The following SORCS1 variants were observed in gnomAD, a reference collection of about 807,000 sequenced individuals.
The protein encoded by SORCS1 is VPS10 domain-containing receptor SorCS1.
Under a neutral mutation model 146.1 loss-of-function variants are expected in SORCS1, and 60 were observed. That is an observed-to-expected ratio of 0.41 (90% CI 0.33 to 0.51). SORCS1 has a LOEUF of 0.51. Ranked by LOEUF, SORCS1 falls within the 20% of genes least tolerant of loss-of-function variation. The probability of loss-of-function intolerance (pLI) is 0.21; values close to 1 mark genes in which losing one functional copy is unlikely to be tolerated. For synonymous variants in SORCS1, 637 were observed against 584.0 expected (o/e 1.09, Z -1.31); for missense variants, 1,352 against 1,487.6 (o/e 0.91, Z 1.50).
At chr10:106,826,834 A>AG (rs1414812688) in intron 3 of SORCS1, among the ~76,000 whole-genome samples, 2 of 152,200 alleles carry the variant, frequency 1.3e-5, no homozygotes, top group African/African-American at 4.8e-5. Context: ...TCTGCTCTGA[A>AG]GGGTAACAGT....
rs771485532 is a variant in SORCS1, at chr10:106,761,612, C to T, written c.935G>A (p.Gly312Glu). The T allele has an allele frequency of 6.2e-6, 10 of 1,614,000 alleles. No homozygotes were observed. In the East Asian group the frequency reaches 8.9e-5, roughly 14 times the overall value. ...FGRRWQLIQE[G>E]VVPNRFYWSV... ...CCAGTAGAACCTGTTTGGTACAACC[C>T]CTTCTTGGATAAGCTGCCATCTTCT... is the stretch of plus-strand genomic sequence containing the variant. The change falls in exon 5 of 26, where the codon GGG (glycine) becomes GAG (glutamate). Residue 312 changes from glycine to glutamate, a missense_variant. By Grantham distance (98) the Gly-to-Glu change is moderately conservative. This residue lies in a region of SORCS1 where 490 missense variants were observed against 489.1 expected (regional missense o/e 1.00). Transcript: ENST00000263054.
intron 1 of SORCS1, among the ~76,000 whole-genome samples, chr10:107,010,336 G>A (rs1357837889): frequency 2.0e-5 from 3 of 152,212 alleles, no homozygotes; most frequent in Non-Finnish European, 2.9e-5. Flanking sequence ...TCAAACAGTC[G>A]CTCTGCAGGA....
chr10:107,116,077 T>C (rs1966019570), intron 1 of SORCS1, among the ~76,000 whole-genome samples: 1 of 152,086 alleles, frequency 6.6e-6, no homozygotes, highest in Non-Finnish European at 1.5e-5. Context: ...TACCACTTCA[T>C]ACATAGTAGG....
intron 1 of SORCS1, among the ~76,000 whole-genome samples, chr10:107,118,960 C>A (rs907268699): frequency 6.6e-5 from 10 of 152,134 alleles, no homozygotes; most frequent in African/African-American, 2.4e-4. Context: ...CTCTTTAACA[C>A]TTGGGTCCCT....
intron 18 of SORCS1, among the ~76,000 whole-genome samples, chr10:106,644,518 C>G (rs569328868): frequency 6.6e-6 from 1 of 152,176 alleles, no homozygotes; most frequent in South Asian, 2.1e-4. Flanking sequence ...AGGTGCCCAC[C>G]ACCACGCCCA....
intron 1 of SORCS1, among the ~76,000 whole-genome samples, chr10:107,045,403 A>G (rs1226976125): frequency 1.3e-5 from 2 of 152,220 alleles, no homozygotes; most frequent in African/African-American, 4.8e-5. Flanking sequence ...GAAAAGGTCA[A>G]TAAAATGAAT....
intron 2 of SORCS1, among the ~76,000 whole-genome samples, chr10:106,948,789 C>A (rs1954507523): frequency 6.6e-6 from 1 of 151,964 alleles, no homozygotes; most frequent in Non-Finnish European, 1.5e-5. Flanking sequence ...GAAACCGCGT[C>A]TCTACTAAAA....
intron 1 of SORCS1, among the ~76,000 whole-genome samples, chr10:107,157,008 T>C (rs1969335987): frequency 6.6e-6 from 1 of 152,234 alleles, no homozygotes; most frequent in Non-Finnish European, 1.5e-5. Flanking sequence ...GCATGACTTT[T>C]CATGAGGCTC....
In SORCS1 at chr10:106,781,800, G is replaced by A. The variant is rs189181263; in HGVS notation, c.727-5108C>T. 3.4e-3 allele frequency among the ~76,000 whole-genome samples: 519 copies of A among 152,272 alleles called. 6 individuals are homozygous for A. In the South Asian group the frequency reaches 0.058, roughly 17 times the overall value. On this transcript the variant is annotated intron_variant, in intron 3 of 25. Transcript: ENST00000263054. ...GTGCTTATCAATTGGCAACTATTTG[G>A]AGGACAGTGTTAGGGAAAGTTGAAC... is the stretch of plus-strand genomic sequence containing the variant.
intron 1 of SORCS1, among the ~76,000 whole-genome samples, chr10:107,045,579 G>A (rs931639714): frequency 7.9e-5 from 12 of 152,118 alleles, no homozygotes; most frequent in African/African-American, 2.7e-4. Flanking sequence ...CCACAGAAAG[G>A]GAAAAGGGTC....
chr10:106,768,480 TCTTGCC>T (rs1404915706), intron 4 of SORCS1, among the ~76,000 whole-genome samples: 2 of 152,234 alleles, frequency 1.3e-5, no homozygotes, highest in Non-Finnish European at 2.9e-5. Context: ...TTTATCTCAA[TCTTGCC>T]CTTTTGACAT....
At chr10:107,120,420 T>C (rs1331053417) in intron 1 of SORCS1, among the ~76,000 whole-genome samples, 1 of 152,198 alleles carries the variant, frequency 6.6e-6, no homozygotes, top group Non-Finnish European at 1.5e-5. Context: ...GATTGTACAG[T>C]ATTATATTAT....
At chr10:106,754,538 T>C (rs1221416246) in intron 5 of SORCS1, among the ~76,000 whole-genome samples, 1 of 152,204 alleles carries the variant, frequency 6.6e-6, no homozygotes, top group African/African-American at 2.4e-5. Flanking sequence ...TATTTGAGGA[T>C]TGATTTAAAC....
chr10:106,976,342 T>TGTTTTTTTTG (rs1554901334), intron 1 of SORCS1, among the ~76,000 whole-genome samples: 2 of 141,290 alleles, frequency 1.4e-5, no homozygotes, highest in African/African-American at 2.6e-5. Flanking sequence ...TGTTTTTTTT[T>TGTTTTTTTTG]TTTTTTTGAG....
intron 4 of SORCS1, among the ~76,000 whole-genome samples, chr10:106,771,340 C>G (rs1200930999): frequency 6.6e-6 from 1 of 152,044 alleles, no homozygotes; most frequent in Non-Finnish European, 1.5e-5. Flanking sequence ...CCGTTGGAGG[C>G]AATGTTTTAT....
At chr10:106,891,504 C>CTTTTTTTTTTTTTTTTTTTTTTTTTT (rs760812204) in intron 2 of SORCS1, among the ~76,000 whole-genome samples, 3,146 of 96,684 alleles carry the variant, frequency 0.033, 624 homozygotes, top group Non-Finnish European at 0.054. Context: ...AATGGGAATT[C>CTTTTTTTTTTTTTTTTTTTTTTTTTT]TTTTTTTTTT....
intron 3 of SORCS1, among the ~76,000 whole-genome samples, chr10:106,825,676 A>G (rs1200620741): frequency 1.3e-5 from 2 of 151,876 alleles, no homozygotes; most frequent in African/African-American, 4.8e-5. Context: ...TTCTTACAGC[A>G]GACTTTATGT....
chr10:107,172,516 T>C, the SORCS1 span, among the ~76,000 whole-genome samples: 1 of 152,206 alleles, frequency 6.6e-6, no homozygotes, highest in Non-Finnish European at 1.5e-5. Context: ...TATTCTGACA[T>C]TGTACTTTTT....
rs968260227 is a variant in SORCS1 at position 106,953,536 on chromosome 10, T to TAA, written c.626+2976_626+2977insTT. On this transcript the variant is annotated intron_variant, in intron 2 of 25. Coordinates refer to ENST00000263054, the MANE Select transcript of SORCS1 (RefSeq NM_052918.5). ...AAGGCTGACTATATGTATATATATA[T>TAA]AGTCATGTATCACTTAATGAGGTGG... Among the ~76,000 whole-genome samples the TAA allele has an allele frequency of 3.3e-4, 50 of 151,990 alleles. 1 individual carries two copies. The highest frequency in any genetic ancestry group is 6.2e-4 in the Non-Finnish European group (42 of 67,926).
Sources: gnomAD v4.1 joint callset for allele counts (sites outside exome capture counted in the v4.1 genomes callset) on GRCh38, gnomAD v4.1.1 for gene constraint, gnomAD v4.1.1 regional missense constraint, MANE v1.5 for transcripts, NCBI Gene and HGNC (gene_info 2026-07-23, HGNC 2026-07-21) for gene names.